NOS1: variants seen among roughly 807,000 people sequenced by gnomAD.
NOS1 encodes nitric oxide synthase 1.
NOS1 carries 51 observed loss-of-function variants against 164.5 expected under a neutral mutation model. That is an observed-to-expected ratio of 0.31 (90% CI 0.25 to 0.39). The LOEUF (loss-of-function observed/expected upper bound fraction) is 0.39. Among genes scored for constraint, NOS1 ranks in the 10% least tolerant of loss-of-function variants. The pLI is 1.00. For missense variants in NOS1, 1,362 were observed against 1,885.6 expected (o/e 0.72, Z 5.14); for synonymous variants, 719 against 745.8 (o/e 0.96, Z 0.59).
At chr12:117,231,588 AC>A (rs1869237841) in intron 22 of NOS1, among the ~76,000 whole-genome samples, 1 of 152,224 alleles carries the variant, frequency 6.6e-6, no homozygotes, top group African/African-American at 2.4e-5. Context: ...AATTAAAAAA[AC>A]AAAAAACAAG....
chr12:117,313,408 C>T (rs1215475512), intron 2 of NOS1, among the ~76,000 whole-genome samples: 1 of 152,158 alleles, frequency 6.6e-6, no homozygotes, highest in Non-Finnish European at 1.5e-5. Context: ...GATCCTCCCA[C>T]CTCTGCCCCT....
At position 117,356,895 on chromosome 12, in the gene NOS1, G is replaced by A. The variant is rs1876879052; in HGVS notation, c.-421+4617C>T. Among the ~76,000 whole-genome samples the A allele has an allele frequency of 6.6e-6, 1 of 152,248 alleles. No individual in the cohort carries two copies. Among genetic ancestry groups the A allele is most frequent in the Non-Finnish European group, 1.5e-5 (1 of 68,040 alleles). ...CAACATAAACACACTTGCAAAGGCT[G>A]AGTGGAAGGCCGATGGGCTGTGGAA... On this transcript the variant is annotated intron_variant, in intron 1 of 28. Coordinates refer to ENST00000317775, the MANE Select transcript of NOS1 (RefSeq NM_000620.5). This position sits in a 1 kb window ranked among gnomAD's most constrained non-coding sequence, Gnocchi z 4.2.
In NOS1 at chr12:117,220,221, G is replaced by A. The variant is rs1447284452; in HGVS notation, c.4024C>T (p.Arg1342Ter). The change falls in exon 27 of 29, where the codon CGA becomes TGA. Residue 1342 changes from arginine to a stop codon, truncating the protein, a stop_gained. Coordinates refer to ENST00000317775, the MANE Select transcript of NOS1 (RefSeq NM_000620.5). LOFTEE classifies it high-confidence loss of function. ...TGGCCCCCTTGCTCCTTCAGGGCTC[G>A]GTACACAGACTCCGCCAGCTGCTCC... ...LQEQLAESVY[R>*]ALKEQGGHIY... The A allele has an allele frequency of 1.2e-6, 2 of 1,613,198 alleles. No homozygotes were observed. Among genetic ancestry groups the A allele is most frequent in the Non-Finnish European group, 8.5e-7 (1 of 1,179,912 alleles).
chr12:117,210,232 CA>C lies in NOS1; in HGVS notation c.*5076del. 1.1e-6 allele frequency: 1 copy of C among 936,836 alleles called. No individual in the cohort carries two copies. The highest frequency in any genetic ancestry group is 1.3e-6 in the Non-Finnish European group (1 of 786,252). The allele number at this position is 936,836 out of a possible 1,614,324, so 58.0% of individuals were successfully genotyped here. A position where few individuals can be genotyped will look rare whatever the true frequency, so the allele number is the denominator to read the frequency against. ...CTGGCCCCAAGTGATCCTCCCACCT[CA>C]GTCTCCCAAAGTGCTATTACAGGCA... On this transcript the variant is annotated 3_prime_UTR_variant, in exon 29 of 29. Transcript: ENST00000317775.
At chr12:117,302,517 C>T (rs1873886629) in intron 3 of NOS1, among the ~76,000 whole-genome samples, 4 of 151,190 alleles carry the variant, frequency 2.6e-5, no homozygotes, top group Admixed American at 2.6e-4. Context: ...TGGCGTGAAC[C>T]CCAGGGGGCA....
At chr12:117,348,078 CT>C (rs1339923171) in intron 1 of NOS1, 6 of 123,608 alleles carry the variant, frequency 4.9e-5, no homozygotes, top group Non-Finnish European at 9.8e-5. Context: ...CTGGCTTGGT[CT>C]TTATCTCGTG....
intron 22 of NOS1, among the ~76,000 whole-genome samples, chr12:117,231,111 T>C (rs745872100): frequency 6.6e-6 from 1 of 152,020 alleles, no homozygotes; most frequent in Non-Finnish European, 1.5e-5. Context: ...GTGGATCACC[T>C]GAGATCGGGG....
At position 117,359,874 on chromosome 12, in the gene NOS1, TTTTATATA is replaced by T. The variant is rs1168061464; in HGVS notation, c.-421+1630_-421+1637del. Among the ~76,000 whole-genome samples the T allele has an allele frequency of 1.4e-3, 64 of 44,196 alleles. 4 individuals are homozygous for T. Among genetic ancestry groups the T allele is most frequent in the South Asian group, 4.7e-3 (5 of 1,066 alleles). 29.0% of individuals were successfully genotyped at this position (44,196 alleles called of 152,430 possible). On this transcript the variant is annotated intron_variant, in intron 1 of 28. Transcript: ENST00000317775. Reference sequence around the variant, plus strand: ...CGGTCCCAGAGCATTACAATAATGGTTTTATATATATATATATATATATATATATATAT... The same window carrying T: ...CGGTCCCAGAGCATTACAATAATGGTTATATATATATATATATATATATAT...
intron 22 of NOS1, among the ~76,000 whole-genome samples, chr12:117,228,590 C>A (rs2135935927): frequency 6.6e-6 from 1 of 152,188 alleles, no homozygotes; most frequent in Middle Eastern, 3.4e-3. Flanking sequence ...TGTAACCAGG[C>A]AACAGAGGAA....
rs181485709 is a variant in NOS1, at chr12:117,323,225, T to C, written c.725+7120A>G. ...TAAATGGGGGAGTCCCTCCTGTTGC[T>C]TGAATGAAGCTAGGTCTTGGGCATC... On this transcript the variant is annotated intron_variant, in intron 2 of 28. Transcript: ENST00000317775. Among the ~76,000 whole-genome samples the C allele has an allele frequency of 5.7e-3, 874 of 152,308 alleles. 26 individuals carry two copies. The highest frequency in any genetic ancestry group is 0.053 in the Admixed American group (810 of 15,292).
At chr12:117,254,256 T>C (rs946498104) in intron 16 of NOS1, among the ~76,000 whole-genome samples, 19 of 152,160 alleles carry the variant, frequency 1.2e-4, no homozygotes, top group African/African-American at 4.1e-4. Context: ...TACAGGCATG[T>C]GCCAACATGC....
intron 3 of NOS1, among the ~76,000 whole-genome samples, chr12:117,305,425 T>G (rs1874088604): frequency 6.6e-6 from 1 of 151,242 alleles, no homozygotes; most frequent in African/African-American, 2.4e-5. Flanking sequence ...GATCGCGTCA[T>G]TGCACTCTTG....
intron 3 of NOS1, among the ~76,000 whole-genome samples, chr12:117,304,257 C>A (rs762712499): frequency 6.6e-6 from 1 of 152,008 alleles, no homozygotes; most frequent in East Asian, 1.9e-4. Flanking sequence ...TGATCCTTAG[C>A]GAAAAAAATA....
Position 117,211,099 on chromosome 12 carries a change from G to A in NOS1, c.*4210C>T. 1 of 558,670 alleles carries A rather than the reference G, an allele frequency of 1.8e-6. No homozygotes were observed. The highest frequency in any genetic ancestry group is 2.3e-6 in the Non-Finnish European group (1 of 440,258). The allele number at this position is 558,670 out of a possible 1,614,324, so 34.6% of individuals were successfully genotyped here. ...AGCCTCCCAGGTAGCTGAGACTACA[G>A]GCGCATGCCACCATGCCCAGCTAAT... On this transcript the variant is annotated 3_prime_UTR_variant, in exon 29 of 29. Transcript: ENST00000317775.
intron 1 of NOS1, among the ~76,000 whole-genome samples, chr12:117,339,428 T>C (rs879676690): frequency 3.3e-5 from 5 of 152,238 alleles, no homozygotes; most frequent in Non-Finnish European, 5.9e-5. Flanking sequence ...CTCTCTTACA[T>C]TGCTGCCAAA....
chr12:117,310,651 TA>T (rs1445801264), intron 3 of NOS1, among the ~76,000 whole-genome samples: 7 of 152,102 alleles, frequency 4.6e-5, no homozygotes, highest in African/African-American at 1.7e-4. Flanking sequence ...TTTATTTCAA[TA>T]TTTTTTTAGA....
chr12:117,325,175 G>A (rs1057151370), intron 2 of NOS1, among the ~76,000 whole-genome samples: 1 of 152,172 alleles, frequency 6.6e-6, no homozygotes. Context: ...CCAGCATCCA[G>A]GATGCCAGTG....
Position 117,282,389 on chromosome 12 carries a change from T to C in NOS1, c.1383-1523A>G, listed in dbSNP as rs1873748776. 2.6e-5 allele frequency among the ~76,000 whole-genome samples: 4 copies of C among 152,190 alleles called. No individual in the cohort carries two copies. The South Asian group carries it at 8.3e-4, about 32-fold the overall frequency. On this transcript the variant is annotated intron_variant, in intron 7 of 28. Coordinates refer to ENST00000317775, the MANE Select transcript of NOS1 (RefSeq NM_000620.5). ...CATCTCGGGTCCAACTCCTTGCTTA[T>C]AGATCTCTTCTCACATATACATTTC...
At chr12:117,259,915 C>T (rs1051385368) in intron 14 of NOS1, among the ~76,000 whole-genome samples, 3 of 151,940 alleles carry the variant, frequency 2.0e-5, no homozygotes, top group South Asian at 2.1e-4. Flanking sequence ...GTCAGGAGAT[C>T]GAGACCATCC....
Sources: allele counts gnomAD v4.1 joint callset (sites outside exome capture counted in the v4.1 genomes callset), GRCh38; gene constraint gnomAD v4.1.1; non-coding constraint Gnocchi (gnomAD v3.1); transcripts MANE v1.5; gene names NCBI Gene and HGNC (gene_info 2026-07-23, HGNC 2026-07-21).